Variants in STMN2 observed in about 807,000 individuals in gnomAD.
STMN2 encodes the protein stathmin 2.
A neutral mutation model predicts 24.1 loss-of-function variants in STMN2; 2 were observed. The ratio of observed to expected loss-of-function variants is 0.08; its 90% CI spans 0.03 to 0.26. The LOEUF (loss-of-function observed/expected upper bound fraction) is 0.26. Ranked by LOEUF, STMN2 falls within the 10% of genes least tolerant of loss-of-function variation. The pLI is 1.00. For missense variants in STMN2, 114 were observed against 213.6 expected (o/e 0.53, Z 2.91); for synonymous variants, 83 against 77.5 (o/e 1.07, Z -0.37).
intron 3 of STMN2, among the ~76,000 whole-genome samples, chr8:79,650,539 G>T (rs1346811108): frequency 1.3e-5 from 2 of 152,100 alleles, no homozygotes; most frequent in South Asian, 4.1e-4. Flanking sequence ...TTTGCTCATT[G>T]GAATTAGAGC....
intron 1 of STMN2, among the ~76,000 whole-genome samples, chr8:79,624,453 C>CAAAAAAAAAA (rs1011493193): frequency 1.1e-4 from 5 of 45,128 alleles, no homozygotes; most frequent in African/African-American, 1.4e-4. Flanking sequence ...GACTCCGTCT[C>CAAAAAAAAAA]AAAAAAAAAA....
intron 4 of STMN2, among the ~76,000 whole-genome samples, chr8:79,656,315 G>A (rs76845908): frequency 0.011 from 1,676 of 152,226 alleles, 38 homozygotes; most frequent in African/African-American, 0.039. Flanking sequence ...GGCAAGAACC[G>A]GAATAGTTAC....
At chr8:79,654,731 G>A (rs999036076) in intron 3 of STMN2, 140 bp from the exon 4 acceptor site, 8 of 924,370 alleles carry the variant, frequency 8.7e-6, no homozygotes, top group African/African-American at 1.7e-5. Context: ...AAGCCATGCA[G>A]ATGAGTACAG....
At chr8:79,628,151 A>AT (rs548874108) in intron 1 of STMN2, among the ~76,000 whole-genome samples, 111 of 150,288 alleles carry the variant, frequency 7.4e-4, no homozygotes, top group African/African-American at 2.5e-3. Context: ...TAGTAGTTTT[A>AT]TTTTTTTTTA....
chr8:79,642,993 A>G (rs2029822), intron 3 of STMN2, among the ~76,000 whole-genome samples: 108,385 of 147,524 alleles, frequency 0.73, 40,963 homozygotes, highest in African/African-American at 0.92. Flanking sequence ...TATAGATATA[A>G]ATATAACAAT....
intron 1 of STMN2, among the ~76,000 whole-genome samples, chr8:79,634,145 T>C (rs961999617): frequency 2.0e-5 from 3 of 152,224 alleles, no homozygotes; most frequent in African/African-American, 7.2e-5. Context: ...AGAATGCATT[T>C]CTCTTCCAAA....
chr8:79,653,196 A>T (rs990765454), intron 3 of STMN2, among the ~76,000 whole-genome samples: 1 of 151,860 alleles, frequency 6.6e-6, no homozygotes, highest in African/African-American at 2.4e-5. Flanking sequence ...GGCCAACATG[A>T]CGAAACCCCA....
At position 79,659,683 on chromosome 8, in the gene STMN2, T is replaced by G. The variant is rs7839005; in HGVS notation, c.480+4621T>G. 8.0e-4 allele frequency among the ~76,000 whole-genome samples: 122 copies of G among 152,300 alleles called. 1 individual carries two copies. Among genetic ancestry groups the G allele is most frequent in the African/African-American group, 2.7e-3 (112 of 41,582 alleles). ...AACATATAATTTTAATGTCAAATATTTACGTGTAAACATATTGACCAATCT... is the reference window on the plus strand; with the variant it reads ...AACATATAATTTTAATGTCAAATATGTACGTGTAAACATATTGACCAATCT... On this transcript the variant is annotated intron_variant, in intron 4 of 4. Coordinates refer to ENST00000220876, the MANE Select transcript of STMN2 (RefSeq NM_007029.4).
intron 1 of STMN2, among the ~76,000 whole-genome samples, chr8:79,613,947 C>T (rs1809315261): frequency 6.6e-6 from 1 of 152,160 alleles, no homozygotes; most frequent in East Asian, 1.9e-4. Context: ...GGTGAGAATA[C>T]ACATATATAA....
intron 3 of STMN2, among the ~76,000 whole-genome samples, chr8:79,654,354 G>A (rs185271116): frequency 8.5e-4 from 129 of 151,908 alleles, no homozygotes; most frequent in African/African-American, 2.8e-3. Flanking sequence ...TGGGGGATAG[G>A]GAGGGGGGAA....
intron 2 of STMN2, among the ~76,000 whole-genome samples, chr8:79,640,450 A>G (rs373243529): frequency 3.4e-5 from 4 of 117,370 alleles, no homozygotes; most frequent in Admixed American, 3.3e-4. Context: ...ATTTCCCCCA[A>G]CTTTTTTAAG....
chr8:79,654,080 G>T (rs144473168), intron 3 of STMN2, among the ~76,000 whole-genome samples: 1 of 152,162 alleles, frequency 6.6e-6, no homozygotes, highest in Non-Finnish European at 1.5e-5. Flanking sequence ...CTTGGAATCA[G>T]AATCTTTGGA....
chr8:79,624,203 C>T (rs1034946444), intron 1 of STMN2, among the ~76,000 whole-genome samples: 1 of 151,974 alleles, frequency 6.6e-6, no homozygotes, highest in Non-Finnish European at 1.5e-5. Context: ...ACCTGTAATC[C>T]CAGCACTTTG....
chr8:79,625,216 A>G (rs545201705), intron 1 of STMN2, among the ~76,000 whole-genome samples: 1 of 152,070 alleles, frequency 6.6e-6, no homozygotes, highest in South Asian at 2.1e-4. Flanking sequence ...TATTTTTTGC[A>G]CTATAGACTT....
chr8:79,659,419 A>G (rs1179850319), intron 4 of STMN2, among the ~76,000 whole-genome samples: 3 of 152,158 alleles, frequency 2.0e-5, no homozygotes, highest in South Asian at 2.1e-4. Flanking sequence ...GAGAGGGGGA[A>G]ACACCTGTTC....
chr8:79,638,282 G>C (rs547342452), intron 2 of STMN2, among the ~76,000 whole-genome samples: 1 of 152,340 alleles, frequency 6.6e-6, no homozygotes, highest in South Asian at 2.1e-4. Context: ...AAAGGAGCCA[G>C]GGATGGTTTT....
intron 1 of STMN2, among the ~76,000 whole-genome samples, chr8:79,621,610 T>G (rs35992044): frequency 0.11 from 16,090 of 152,236 alleles, 1,174 homozygotes; most frequent in Non-Finnish European, 0.16. Context: ...CATTCAACGT[T>G]TTGTTACAGT....
At chr8:79,624,479 G>GAAAAAAAAAAAAAAGAAAAA (rs1411947488) in intron 1 of STMN2, among the ~76,000 whole-genome samples, 3 of 103,458 alleles carry the variant, frequency 2.9e-5, no homozygotes, top group Non-Finnish European at 6.6e-5. Flanking sequence ...AAAAAAAAAA[G>GAAAAAAAAAAAAAAGAAAAA]AAAGAAAGAA....
chr8:79,656,340 G>T lies in STMN2; in HGVS notation c.480+1278G>T, dbSNP rs75896522. Among the ~76,000 whole-genome samples the T allele has an allele frequency of 9.8e-4, 149 of 152,256 alleles. 1 individual carries two copies. The highest frequency in any genetic ancestry group is 1.8e-3 in the Non-Finnish European group (124 of 68,016). ...GGAATAGTTACCTGATGCCTTATCC[G>T]AAACATGAAAGTTCGGATTAAATTT... On this transcript the variant is annotated intron_variant, in intron 4 of 4. Transcript: ENST00000220876.
Sources: allele counts gnomAD v4.1 joint callset (sites outside exome capture counted in the v4.1 genomes callset), GRCh38; gene constraint gnomAD v4.1.1; transcripts MANE v1.5; gene names NCBI Gene and HGNC (gene_info 2026-07-23, HGNC 2026-07-21).